The following COL25A1 variants were observed in gnomAD, a reference collection of about 807,000 sequenced individuals.
COL25A1 encodes collagen alpha-1(XXV) chain.
In COL25A1, 103 loss-of-function variants were observed where a neutral mutation model predicts 128.4. The observed-to-expected ratio is 0.80, with a 90% CI of 0.68 to 0.94. The LOEUF (loss-of-function observed/expected upper bound fraction) is 0.94. COL25A1 is among the 40% of genes least tolerant of loss of function. The pLI is 0.00. For synonymous variants in COL25A1, 279 were observed against 277.2 expected (o/e 1.01, Z -0.06); for missense variants, 745 against 840.0 (o/e 0.89, Z 1.40).
intron 13 of COL25A1, among the ~76,000 whole-genome samples, chr4:108,915,554 T>C (rs536744728): frequency 6.6e-6 from 1 of 152,228 alleles, no homozygotes; most frequent in African/African-American, 2.4e-5. Context: ...CATAAGAAAA[T>C]AATTTTTTAT....
At chr4:109,225,811 A>G (rs1168311203) in intron 3 of COL25A1, among the ~76,000 whole-genome samples, 5 of 152,074 alleles carry the variant, frequency 3.3e-5, no homozygotes, top group South Asian at 4.1e-4. Flanking sequence ...ATACAATTTC[A>G]TTGTGTGCAC....
chr4:108,929,582 C>T (rs1394518181), intron 11 of COL25A1, among the ~76,000 whole-genome samples: 3 of 152,148 alleles, frequency 2.0e-5, no homozygotes, highest in Non-Finnish European at 4.4e-5. Context: ...TGGCTCACAC[C>T]TGTAATCCCA....
chr4:109,168,599 G>A (rs1055131505), intron 3 of COL25A1, among the ~76,000 whole-genome samples: 2 of 151,940 alleles, frequency 1.3e-5, no homozygotes, highest in African/African-American at 2.4e-5. Context: ...AAAATATACC[G>A]ATGGAGTTCC....
intron 3 of COL25A1, among the ~76,000 whole-genome samples, chr4:109,136,254 T>C (rs1769741740): frequency 1.3e-5 from 2 of 151,876 alleles, no homozygotes; most frequent in Admixed American, 6.6e-5. Context: ...AAAAAATTAG[T>C]CAGGTGTGGT....
intron 30 of COL25A1, 111 bp downstream of exon 30, chr4:108,844,408 A>C: frequency 6.3e-7 from 1 of 1,574,994 alleles, no homozygotes; most frequent in Non-Finnish European, 8.7e-7. Context: ...CATCCATTCC[A>C]CAGAGAGTAG....
chr4:109,120,225 A>C (rs1767993574), intron 3 of COL25A1, among the ~76,000 whole-genome samples: 1 of 152,174 alleles, frequency 6.6e-6, no homozygotes, highest in African/African-American at 2.4e-5. Flanking sequence ...GAACAAGGCA[A>C]GATGTCTCTT....
chr4:108,978,648 T>C (rs1752667871), intron 6 of COL25A1, among the ~76,000 whole-genome samples: 1 of 152,204 alleles, frequency 6.6e-6, no homozygotes, highest in East Asian at 1.9e-4. Flanking sequence ...CAATGGCACA[T>C]TGCTGTTTCC....
intron 3 of COL25A1, among the ~76,000 whole-genome samples, chr4:109,245,412 G>A (rs934341503): frequency 1.2e-4 from 18 of 151,836 alleles, no homozygotes; most frequent in African/African-American, 4.4e-4. Flanking sequence ...CGGAGAAGTC[G>A]GCAATGGTGG....
intron 24 of COL25A1, among the ~76,000 whole-genome samples, chr4:108,856,738 T>C (rs1736557927): frequency 6.6e-6 from 1 of 152,272 alleles, no homozygotes. Context: ...TTAGTAGTCA[T>C]ATACAATTAA....
chr4:109,011,574 A>C (rs888400), intron 5 of COL25A1, among the ~76,000 whole-genome samples: 77,258 of 151,636 alleles, frequency 0.51, 22,377 homozygotes, highest in African/African-American at 0.77. Context: ...ATATGCTATT[A>C]TATTTATTTC....
intron 19 of COL25A1, among the ~76,000 whole-genome samples, chr4:108,876,050 C>T (rs1033397234): frequency 2.6e-5 from 4 of 151,912 alleles, no homozygotes; most frequent in Admixed American, 1.3e-4. Context: ...CACCACACAC[C>T]GGGGCCTGTC....
chr4:108,926,253 A>AG (rs1451836434), intron 11 of COL25A1, among the ~76,000 whole-genome samples: 1 of 152,136 alleles, frequency 6.6e-6, no homozygotes, highest in Non-Finnish European at 1.5e-5. Context: ...GAAATGATGT[A>AG]GGGGGCGGAC....
At chr4:109,282,153 A>G (rs528562548) in intron 3 of COL25A1, among the ~76,000 whole-genome samples, 84 of 151,902 alleles carry the variant, frequency 5.5e-4, no homozygotes, top group Admixed American at 4.6e-3. Flanking sequence ...TCTCAACGAA[A>G]TCATTTTTTT....
At chr4:108,855,549 T>C (rs1736389873) in intron 24 of COL25A1, among the ~76,000 whole-genome samples, 1 of 152,108 alleles carries the variant, frequency 6.6e-6, no homozygotes, top group Non-Finnish European at 1.5e-5. Flanking sequence ...ATTTGAGCTC[T>C]CTGAGGTTTT....
At chr4:108,861,080 A>G in intron 22 of COL25A1, 109 bp from the exon 23 acceptor site, 1 of 893,774 alleles carries the variant, frequency 1.1e-6, no homozygotes, top group South Asian at 1.5e-5. Flanking sequence ...TGAACTTCTG[A>G]AGTGAAAAAC....
intron 3 of COL25A1, among the ~76,000 whole-genome samples, chr4:109,280,756 G>A (rs1037681143): frequency 3.2e-4 from 48 of 151,802 alleles, no homozygotes; most frequent in African/African-American, 1.2e-3. Flanking sequence ...GAGTTCAAGT[G>A]ATTCTCCTGC....
intron 6 of COL25A1, among the ~76,000 whole-genome samples, chr4:108,994,883 TA>T: frequency 6.6e-6 from 1 of 152,186 alleles, no homozygotes; most frequent in South Asian, 2.1e-4. Flanking sequence ...AGGGGCCTGT[TA>T]GAAGGAAAAC....
rs2125923696 is a variant in COL25A1, at chr4:108,937,797, G to A, written c.708+11C>T. The A allele has an allele frequency of 1.9e-6, 3 of 1,600,604 alleles. 1 individual carries two copies. The highest frequency in any genetic ancestry group is 2.3e-5 in the South Asian group (2 of 88,348). On this transcript the variant is annotated intron_variant, in intron 11 of 37. Transcript: ENST00000399132. The stretch of plus-strand genomic sequence containing the variant: ...GGCTTAGTATAGAAAAAGATAAACT[G>A]AGATACTTGCCATCAAGCCTTGTTC...
chr4:108,959,816 G>C (rs1750470680), intron 8 of COL25A1, among the ~76,000 whole-genome samples: 1 of 152,082 alleles, frequency 6.6e-6, no homozygotes. Context: ...AATTTTGTTT[G>C]ACTTTTCTGC....
Sources: gnomAD v4.1 joint callset for allele counts (sites outside exome capture counted in the v4.1 genomes callset) on GRCh38, gnomAD v4.1.1 for gene constraint, MANE v1.5 for transcripts, NCBI Gene and HGNC (gene_info 2026-07-23, HGNC 2026-07-21) for gene names.